The following DRC8 variants were observed in gnomAD, a reference collection of about 807,000 sequenced individuals.
DRC8 encodes dynein regulatory complex protein 8.
chr1:245,044,272 G>A, the DRC8 span, among the ~76,000 whole-genome samples: 1 of 152,042 alleles, frequency 6.6e-6, no homozygotes, highest in Non-Finnish European at 1.5e-5. Flanking sequence ...GCTTGAAATC[G>A]ATCTTGGAAC....
At chr1:245,109,163 G>T in the DRC8 span, among the ~76,000 whole-genome samples, 3 of 152,178 alleles carry the variant, frequency 2.0e-5, no homozygotes, top group Non-Finnish European at 2.9e-5. Flanking sequence ...CCTGAGGGGC[G>T]AGAGAGCTCG....
At chr1:245,040,311 A>T in the DRC8 span, among the ~76,000 whole-genome samples, 1 of 152,196 alleles carries the variant, frequency 6.6e-6, no homozygotes, top group Non-Finnish European at 1.5e-5. Context: ...TCTTGGTGAA[A>T]TATGCAGACA....
At chr1:245,007,660 G>T in the DRC8 span, among the ~76,000 whole-genome samples, 1 of 152,180 alleles carries the variant, frequency 6.6e-6, no homozygotes, top group Non-Finnish European at 1.5e-5. Flanking sequence ...TTTTCTGTGT[G>T]TTTGAAAATT....
chr1:245,062,033 G>T, the DRC8 span, among the ~76,000 whole-genome samples: 4 of 152,176 alleles, frequency 2.6e-5, no homozygotes, highest in African/African-American at 9.7e-5. Context: ...TTGAACCTGG[G>T]AGGCAGAGGT....
the DRC8 span, among the ~76,000 whole-genome samples, chr1:245,030,167 T>C: frequency 6.6e-6 from 1 of 152,208 alleles, no homozygotes; most frequent in African/African-American, 2.4e-5. Context: ...AGTTTCTTTA[T>C]TAGCTTTGAA....
chr1:244,979,366 C>T, the DRC8 span, among the ~76,000 whole-genome samples: 8 of 121,680 alleles, frequency 6.6e-5, no homozygotes, highest in South Asian at 1.3e-3. Flanking sequence ...AATGCAGTGG[C>T]GTGATCTCGG....
the DRC8 span, among the ~76,000 whole-genome samples, chr1:245,115,022 C>A: frequency 6.6e-6 from 1 of 152,066 alleles, no homozygotes; most frequent in Admixed American, 6.6e-5. Flanking sequence ...CCGTCCCCAG[C>A]TGAGATTTAA....
At chr1:245,049,743 A>G in the DRC8 span, among the ~76,000 whole-genome samples, 238 of 152,318 alleles carry the variant, frequency 1.6e-3, no homozygotes, top group African/African-American at 5.2e-3. The surrounding 1 kb of genome is among the most constrained non-coding windows in gnomAD (Gnocchi z 4.5). Context: ...GCACTGTGGT[A>G]TAGTTCAGAA....
At chr1:245,038,557 G>A in the DRC8 span, among the ~76,000 whole-genome samples, 10 of 152,188 alleles carry the variant, frequency 6.6e-5, no homozygotes, top group East Asian at 1.7e-3. Context: ...ATGGCATAAT[G>A]GATCAATGAA....
At chr1:244,971,719 G>A in the DRC8 span, among the ~76,000 whole-genome samples, 5 of 152,108 alleles carry the variant, frequency 3.3e-5, no homozygotes, top group Non-Finnish European at 7.4e-5. Context: ...GGGAAGAAAC[G>A]AACCCTGAGA....
chr1:245,086,922 T>C, the DRC8 span: 1 of 481,078 alleles, frequency 2.1e-6, no homozygotes, highest in Non-Finnish European at 4.2e-6. Context: ...CCTCTGGTAA[T>C]TTCAAAAGTT....
chr1:245,047,847 C>T, the DRC8 span, among the ~76,000 whole-genome samples: 2 of 151,128 alleles, frequency 1.3e-5, no homozygotes, highest in Non-Finnish European at 2.9e-5. Flanking sequence ...CATGGTGACA[C>T]GTACCTGTAA....
the DRC8 span, among the ~76,000 whole-genome samples, chr1:245,050,409 G>A: frequency 2.6e-4 from 40 of 152,040 alleles, no homozygotes; most frequent in Admixed American, 5.2e-4. Context: ...CCTCATCCCC[G>A]TTTTCTACTC....
the DRC8 span, among the ~76,000 whole-genome samples, chr1:245,024,285 C>T: frequency 6.6e-6 from 1 of 152,108 alleles, no homozygotes; most frequent in Non-Finnish European, 1.5e-5. Flanking sequence ...ATAGCTCATG[C>T]TGCAGAGAAT....
chr1:245,003,357 A>T, the DRC8 span, among the ~76,000 whole-genome samples: 1 of 152,192 alleles, frequency 6.6e-6, no homozygotes, highest in African/African-American at 2.4e-5. Flanking sequence ...TTTATGAGGA[A>T]CTACGATACT....
chr1:245,061,859 A>G, the DRC8 span, among the ~76,000 whole-genome samples: 1 of 152,228 alleles, frequency 6.6e-6, no homozygotes, highest in African/African-American at 2.4e-5. Context: ...CAATCCCAGC[A>G]CTTGGGGAGG....
At chr1:245,058,395 A>G in the DRC8 span, among the ~76,000 whole-genome samples, 1 of 152,198 alleles carries the variant, frequency 6.6e-6, no homozygotes, top group Non-Finnish European at 1.5e-5. Context: ...AAAGAATCCT[A>G]TATTCCACAG....
the DRC8 span, among the ~76,000 whole-genome samples, chr1:245,080,756 C>T: frequency 6.6e-6 from 1 of 152,182 alleles, no homozygotes; most frequent in Admixed American, 6.5e-5. Flanking sequence ...GCTGCCTCAC[C>T]CTCAAGCAGT....
At chr1:245,109,675 G>A in the DRC8 span, among the ~76,000 whole-genome samples, 2 of 152,234 alleles carry the variant, frequency 1.3e-5, no homozygotes, top group African/African-American at 2.4e-5. Context: ...TAGCTAAAAA[G>A]AATGATCACT....
Sources: allele counts gnomAD v4.1 joint callset (sites outside exome capture counted in the v4.1 genomes callset), GRCh38; gene constraint gnomAD v4.1.1; non-coding constraint Gnocchi (gnomAD v3.1); transcripts MANE v1.5; gene names NCBI Gene and HGNC (gene_info 2026-07-23, HGNC 2026-07-21).